Variants in ATP2B2 observed in about 807,000 individuals in gnomAD.
ATP2B2 encodes the protein plasma membrane calcium-transporting ATPase 2.
ATP2B2 carries 15 observed loss-of-function variants against 120.0 expected under a neutral mutation model. The ratio of observed to expected loss-of-function variants is 0.12; its 90% CI spans 0.08 to 0.19. The LOEUF (loss-of-function observed/expected upper bound fraction) is 0.19, where lower values mean the gene tolerates loss of function less well. Ranked by LOEUF, ATP2B2 falls within the 10% of genes least tolerant of loss-of-function variation. The probability of loss-of-function intolerance (pLI) is 1.00; values close to 1 mark genes in which losing one functional copy is unlikely to be tolerated. For synonymous variants in ATP2B2, 694 were observed against 700.3 expected (o/e 0.99, Z 0.14); for missense variants, 1,045 against 1,719.8 (o/e 0.61, Z 6.94).
intron 2 of ATP2B2, among the ~76,000 whole-genome samples, chr3:10,580,071 T>C (rs569755087): frequency 2.6e-5 from 4 of 152,200 alleles, no homozygotes; most frequent in East Asian, 1.9e-4. Flanking sequence ...TGACAGCCAC[T>C]CTTCCGGTCA....
intron 1 of ATP2B2, among the ~76,000 whole-genome samples, chr3:10,696,466 T>A (rs921383019): frequency 6.6e-6 from 1 of 152,206 alleles, no homozygotes; most frequent in African/African-American, 2.4e-5. Context: ...TCCATGCTCT[T>A]CTGCCTCCTT....
intron 16 of ATP2B2, among the ~76,000 whole-genome samples, chr3:10,349,009 G>A (rs2060503798): frequency 6.6e-6 from 1 of 152,242 alleles, no homozygotes; most frequent in Non-Finnish European, 1.5e-5. Flanking sequence ...CAGCACCTTT[G>A]AAAGAGGAAT....
chr3:10,695,251 G>GGAGAGAGAGAGAGA (rs140200422), intron 1 of ATP2B2, among the ~76,000 whole-genome samples: 10 of 126,962 alleles, frequency 7.9e-5, no homozygotes, highest in African/African-American at 3.4e-4. Context: ...AGGGAGGGAG[G>GGAGAGAGAGAGAGA]GAGAGAGAGA....
chr3:10,350,628 C>G, intron 14 of ATP2B2, 51 bp from the exon 15 acceptor site: 1 of 1,578,694 alleles, frequency 6.3e-7, no homozygotes. Context: ...CAGGCAGACT[C>G]CCCCTGCCTT....
intron 6 of ATP2B2, 143 bp from the exon 7 acceptor site, chr3:10,386,655 C>A: frequency 1.0e-6 from 1 of 955,384 alleles, no homozygotes; most frequent in South Asian, 1.4e-5. Context: ...GGACATGTGG[C>A]GGGCTCTAAG....
intron 5 of ATP2B2, among the ~76,000 whole-genome samples, chr3:10,392,397 G>A (rs2061882342): frequency 6.6e-6 from 1 of 152,234 alleles, no homozygotes; most frequent in African/African-American, 2.4e-5. Context: ...GCCAGGGGAA[G>A]ACTCCAAAGG....
chr3:10,601,646 C>A (rs930419095), intron 2 of ATP2B2, among the ~76,000 whole-genome samples: 4 of 152,212 alleles, frequency 2.6e-5, no homozygotes, highest in African/African-American at 9.6e-5. Context: ...CCCCAGGCAC[C>A]TCCTCATTAA....
chr3:10,441,078 C>T (rs2063648304), intron 2 of ATP2B2, among the ~76,000 whole-genome samples: 1 of 152,234 alleles, frequency 6.6e-6, no homozygotes, highest in Non-Finnish European at 1.5e-5. Context: ...GAGCAGTTTA[C>T]AATCCACCTT....
At chr3:10,670,858 G>T (rs1488969906) in intron 1 of ATP2B2, among the ~76,000 whole-genome samples, 1 of 152,192 alleles carries the variant, frequency 6.6e-6, no homozygotes, top group Non-Finnish European at 1.5e-5. Context: ...TATTGGAAAA[G>T]AATACAAGAA....
At chr3:10,369,375 C>A (rs1470223578) in intron 12 of ATP2B2, among the ~76,000 whole-genome samples, 1 of 152,126 alleles carries the variant, frequency 6.6e-6, no homozygotes, top group Non-Finnish European at 1.5e-5. Context: ...GACCCCAGAC[C>A]TTTCTTCCCA....
intron 3 of ATP2B2, among the ~76,000 whole-genome samples, chr3:10,518,548 C>A (rs2066919940): frequency 6.6e-6 from 1 of 152,234 alleles, no homozygotes; most frequent in African/African-American, 2.4e-5. Context: ...CCCAGCAAAA[C>A]CCCTCCTTGG....
intron 1 of ATP2B2, among the ~76,000 whole-genome samples, chr3:10,475,776 C>A (rs9813163): frequency 9.1e-4 from 138 of 152,306 alleles, no homozygotes; most frequent in African/African-American, 3.2e-3. Context: ...CTGCCAAAGC[C>A]AAAGCCCCCT....
intron 1 of ATP2B2, among the ~76,000 whole-genome samples, chr3:10,467,716 G>A (rs550638731): frequency 1.2e-4 from 18 of 152,340 alleles, no homozygotes; most frequent in East Asian, 1.2e-3. Context: ...GTAGGATACC[G>A]TTACTGAACC....
intron 6 of ATP2B2, 87 bp downstream of exon 6, chr3:10,388,187 CAAT>C (rs2061738687): frequency 6.3e-7 from 1 of 1,594,576 alleles, no homozygotes; most frequent in Non-Finnish European, 8.6e-7. Flanking sequence ...AGAAGGCACT[CAAT>C]AACTATTTTG....
At chr3:10,494,240 T>A (rs1052226957) in intron 1 of ATP2B2, among the ~76,000 whole-genome samples, 2 of 152,160 alleles carry the variant, frequency 1.3e-5, no homozygotes, top group Non-Finnish European at 1.5e-5. Context: ...ATCCCACGAC[T>A]GCTGCTACCA....
intron 2 of ATP2B2, among the ~76,000 whole-genome samples, chr3:10,432,664 G>A (rs79965463): frequency 3.3e-5 from 5 of 152,270 alleles, no homozygotes; most frequent in Non-Finnish European, 5.9e-5. Context: ...TCACTCACGT[G>A]TCCTTGAGGC....
intron 2 of ATP2B2, among the ~76,000 whole-genome samples, chr3:10,600,357 T>G (rs1202474564): frequency 1.3e-5 from 2 of 152,136 alleles, no homozygotes; most frequent in Admixed American, 1.3e-4. Context: ...CCAGGCTCTG[T>G]GCCCGCCCCT....
chr3:10,592,050 C>T (rs1347954980), intron 2 of ATP2B2, among the ~76,000 whole-genome samples: 1 of 152,190 alleles, frequency 6.6e-6, no homozygotes, highest in Non-Finnish European at 1.5e-5. Flanking sequence ...GAGGCCTGCA[C>T]TGGTCCAGGG....
intron 2 of ATP2B2, among the ~76,000 whole-genome samples, chr3:10,591,922 C>T (rs2068653741): frequency 6.6e-6 from 1 of 152,088 alleles, no homozygotes; most frequent in Non-Finnish European, 1.5e-5. Context: ...ACAAGATACC[C>T]AAAGGTAAGG....
Sources: gnomAD v4.1 joint callset for allele counts (sites outside exome capture counted in the v4.1 genomes callset) on GRCh38, gnomAD v4.1.1 for gene constraint, MANE v1.5 for transcripts, NCBI Gene and HGNC (gene_info 2026-07-23, HGNC 2026-07-21) for gene names.